FMN1: variants seen among roughly 807,000 people sequenced by gnomAD.
FMN1 encodes formin 1, also known as formin-1.
FMN1 carries 110 observed loss-of-function variants against 132.4 expected under a neutral mutation model. The observed-to-expected ratio is 0.83, with a 90% confidence interval of 0.71 to 0.97. The LOEUF (loss-of-function observed/expected upper bound fraction) is 0.97, where lower values mean the gene tolerates loss of function less well. Among genes scored for constraint, FMN1 ranks in the 50% least tolerant of loss-of-function variants. FMN1 has a pLI of 0.00. For missense variants in FMN1, 1,792 were observed against 1,705.3 expected (o/e 1.05, Z -0.90); for synonymous variants, 722 against 651.7 (o/e 1.11, Z -1.64).
At chr15:32,901,133 AAGAAGAATGAGACTCC>A (rs1276850961) in intron 13 of FMN1, among the ~76,000 whole-genome samples, 1 of 152,084 alleles carries the variant, frequency 6.6e-6, no homozygotes, top group Non-Finnish European at 1.5e-5. Context: ...CAGCCTGGGC[AAGAAGAATGAGACTCC>A]GTCTCAAAAA....
rs1445578709 is a variant in FMN1, at chr15:33,067,505, A to G, written c.2044-2431T>C. 3 of 1,613,848 alleles carry G rather than the reference A, an allele frequency of 1.9e-6. No homozygotes were observed. In the African/African-American group the frequency reaches 4.0e-5, roughly 22 times the overall value. On this transcript the variant is annotated intron_variant, in intron 5 of 20. Coordinates refer to ENST00000616417, the MANE Select transcript of FMN1 (RefSeq NM_001277313.2). Reference sequence around the variant, plus strand: ...AATGACATCGTCTTTTGTCCCTTTCAAAGTAGACAGTGGAAGCAGCTCTTG... The same window carrying G: ...AATGACATCGTCTTTTGTCCCTTTCGAAGTAGACAGTGGAAGCAGCTCTTG...
At chr15:32,861,850 T>C (rs112365529) in intron 16 of FMN1, among the ~76,000 whole-genome samples, 15 of 152,240 alleles carry the variant, frequency 9.9e-5, no homozygotes, top group African/African-American at 3.6e-4. Flanking sequence ...CGAAGCAAAA[T>C]GGGAAACAAT....
chr15:32,834,259 C>T (rs189301238), intron 17 of FMN1, among the ~76,000 whole-genome samples: 107 of 152,336 alleles, frequency 7.0e-4, no homozygotes, highest in Admixed American at 1.8e-3. Flanking sequence ...CAGGATCCTA[C>T]ATCCCTTGAC....
At chr15:32,888,672 G>C (rs771315979) in intron 15 of FMN1, among the ~76,000 whole-genome samples, 27 of 152,138 alleles carry the variant, frequency 1.8e-4, no homozygotes, top group Non-Finnish European at 7.4e-5. Flanking sequence ...CTAGCAATTA[G>C]ACAAGTCATC....
At chr15:32,847,276 GTGTGTGTGTGTAT>G (rs1567263880) in intron 17 of FMN1, among the ~76,000 whole-genome samples, 3 of 95,228 alleles carry the variant, frequency 3.2e-5, no homozygotes, top group East Asian at 9.0e-4. Flanking sequence ...ATGTAGGGGT[GTGTGTGTGTGTAT>G]GTGTGTGTGT....
intron 4 of FMN1, among the ~76,000 whole-genome samples, chr15:33,089,589 T>C (rs2038833035): frequency 6.6e-6 from 1 of 152,242 alleles, no homozygotes; most frequent in Non-Finnish European, 1.5e-5. Flanking sequence ...TCATTAACTA[T>C]GTGCCAGACA....
chr15:32,887,859 C>A (rs1294597511), intron 16 of FMN1, among the ~76,000 whole-genome samples: 1 of 151,998 alleles, frequency 6.6e-6, no homozygotes, highest in Non-Finnish European at 1.5e-5. Flanking sequence ...TTATATGAGA[C>A]AACAGTAAGC....
chr15:32,905,505 C>T (rs2060402117), intron 12 of FMN1, among the ~76,000 whole-genome samples: 1 of 152,166 alleles, frequency 6.6e-6, no homozygotes, highest in Non-Finnish European at 1.5e-5. Flanking sequence ...AGCCTCACCT[C>T]ACAACCATTA....
At chr15:32,825,797 T>C (rs886757026) in intron 17 of FMN1, among the ~76,000 whole-genome samples, 1 of 152,204 alleles carries the variant, frequency 6.6e-6, no homozygotes, top group African/African-American at 2.4e-5. Flanking sequence ...CTCTCCTGAC[T>C]ACGTTGTGAG....
rs192349924 is a variant in FMN1, at chr15:33,163,652, T to C, written c.-131-8607A>G. On this transcript the variant is annotated intron_variant, in intron 3 of 20. Coordinates refer to ENST00000616417, the MANE Select transcript of FMN1 (RefSeq NM_001277313.2). The stretch of plus-strand genomic sequence containing the variant: ...TTGTTTTTGAGACGGAGTTTCACTC[T>C]TGTTGCCGAGGCTGGAGTACAGTGG... Among the ~76,000 whole-genome samples, 3 of 148,250 alleles carry C rather than the reference T, an allele frequency of 2.0e-5. No individual in the cohort carries two copies. The East Asian group carries it at 5.9e-4, about 29-fold the overall frequency.
chr15:32,840,142 G>C (rs2058714662), intron 17 of FMN1, among the ~76,000 whole-genome samples: 1 of 152,202 alleles, frequency 6.6e-6, no homozygotes, highest in Non-Finnish European at 1.5e-5. Flanking sequence ...AGCACTCCCA[G>C]TCTAGGGTGC....
chr15:32,987,574 A>C lies in FMN1; in HGVS notation c.2224-18097T>G, dbSNP rs181096753. 9.8e-4 allele frequency among the ~76,000 whole-genome samples: 150 copies of C among 152,304 alleles called. No individual in the cohort carries two copies. The South Asian group carries it at 0.013, about 13-fold the overall frequency. ...AGGACTGAGGTGTTTGAAAGAAAAA[A>C]ACTTTGATTTTTATAAAGATTGGCA... On this transcript the variant is annotated intron_variant, in intron 7 of 20. Transcript: ENST00000616417.
At chr15:33,053,617 T>C (rs1177292918) in intron 6 of FMN1, among the ~76,000 whole-genome samples, 1 of 152,106 alleles carries the variant, frequency 6.6e-6, no homozygotes, top group Non-Finnish European at 1.5e-5. Context: ...AACTTCGGTG[T>C]TCCCACAATA....
chr15:32,865,049 T>C lies in FMN1; in HGVS notation c.3836-7942A>G, dbSNP rs532242861. On this transcript the variant is annotated intron_variant, in intron 16 of 20. Coordinates refer to ENST00000616417, the MANE Select transcript of FMN1 (RefSeq NM_001277313.2). ...ATTCTACTCACATGAAATGTCCCAG[T>C]AGGCAAATCTATAGAGACAAAGCGG... Among the ~76,000 whole-genome samples the C allele has an allele frequency of 2.0e-5, 3 of 152,170 alleles. No individual in the cohort carries two copies. The East Asian group carries it at 5.8e-4, about 29-fold the overall frequency.
At position 32,916,676 on chromosome 15, in the gene FMN1, G is replaced by A. The variant is rs374912402; in HGVS notation, c.3227-6141C>T. 3.9e-5 allele frequency among the ~76,000 whole-genome samples: 6 copies of A among 152,248 alleles called. No homozygotes were observed. In the East Asian group the frequency reaches 5.8e-4, roughly 15 times the overall value. On this transcript the variant is annotated intron_variant, in intron 10 of 20. Coordinates refer to ENST00000616417, the MANE Select transcript of FMN1 (RefSeq NM_001277313.2). ...CTGATGTAAGCCTCTTGCACAAAGC[G>A]GGTATGTAATAATGTTTTGCAAATG...
intron 9 of FMN1, among the ~76,000 whole-genome samples, chr15:32,944,086 C>A (rs1430463348): frequency 6.6e-6 from 1 of 152,210 alleles, no homozygotes; most frequent in Non-Finnish European, 1.5e-5. Flanking sequence ...TTCCTCCCAG[C>A]CAGTGCCAGA....
At chr15:33,000,320 C>G (rs1483506901) in intron 7 of FMN1, among the ~76,000 whole-genome samples, 1 of 151,866 alleles carries the variant, frequency 6.6e-6, no homozygotes, top group East Asian at 1.9e-4. Context: ...GCAGTGGCGG[C>G]CGCCTGTAGT....
chr15:33,013,208 T>C lies in FMN1; in HGVS notation c.2162-5133A>G, dbSNP rs73374820. The stretch of plus-strand genomic sequence containing the variant: ...GCTGCTACAAAGAAGACATGTTTTA[T>C]ACAATACTCCCGTGTATGGGCAAAA... On this transcript the variant is annotated intron_variant, in intron 6 of 20. Transcript: ENST00000616417. 756 of 321,952 alleles carry C rather than the reference T, an allele frequency of 2.3e-3. 3 individuals are homozygous for C. Among genetic ancestry groups the C allele is most frequent in the African/African-American group, 0.016 (726 of 45,994 alleles). The allele number at this position is 321,952 out of a possible 1,614,324, so 19.9% of individuals were successfully genotyped here.
intron 19 of FMN1, among the ~76,000 whole-genome samples, chr15:32,777,443 T>C (rs1257014731): frequency 8.2e-6 from 1 of 122,190 alleles, no homozygotes; most frequent in Non-Finnish European, 1.6e-5. Flanking sequence ...AAAAATATAT[T>C]TATATATTAT....
Sources: allele counts gnomAD v4.1 joint callset (sites outside exome capture counted in the v4.1 genomes callset), GRCh38; gene constraint gnomAD v4.1.1; transcripts MANE v1.5; gene names NCBI Gene and HGNC (gene_info 2026-07-23, HGNC 2026-07-21).